Variants in NUDT19 observed in about 807,000 individuals in gnomAD.
NUDT19 encodes the protein nudix hydrolase 19.
NUDT19 carries 31 observed loss-of-function variants against 22.2 expected under a neutral mutation model. That is an observed-to-expected ratio of 1.40 (90% CI 1.05 to 1.89). The LOEUF is 1.89. Among genes scored for constraint, NUDT19 ranks in the 40% most tolerant of loss-of-function variants. The probability of loss-of-function intolerance (pLI) is 0.00; values close to 1 mark genes in which losing one functional copy is unlikely to be tolerated. For missense variants in NUDT19, 752 were observed against 514.2 expected (o/e 1.46, Z -4.47); for synonymous variants, 325 against 230.8 (o/e 1.41, Z -3.70).
At position 32,703,049 on chromosome 19, in the gene NUDT19, TAG is replaced by T. The variant is rs376073813; in HGVS notation, c.715-6133_715-6132del. On this transcript the variant is annotated intron_variant, in intron 1 of 2. Transcript: ENST00000397061. ...AGTGTTTCACTCTTGTTGCCCAGGT[TAG>T]AGTGCAGTGGCATGATCTTGGCTCA... 4.0e-4 allele frequency among the ~76,000 whole-genome samples: 61 copies of T among 152,336 alleles called. 1 individual carries two copies. The South Asian group carries it at 0.012, about 31-fold the overall frequency.
rs548408564 is a variant in NUDT19, at chr19:32,702,637, C to G, written c.715-6548C>G. On this transcript the variant is annotated intron_variant, in intron 1 of 2. Coordinates refer to ENST00000397061, the MANE Select transcript of NUDT19 (RefSeq NM_001105570.2). ...AAGAGAAAAAAAAGTGTGTTTCTTG[C>G]AGGCAGCATATAGTCTTGCTTTTTA... is the stretch of plus-strand genomic sequence containing the variant. Among the ~76,000 whole-genome samples, 3 of 152,242 alleles carry G rather than the reference C, an allele frequency of 2.0e-5. No individual in the cohort carries two copies. The East Asian group carries it at 5.8e-4, about 29-fold the overall frequency.
In NUDT19 at chr19:32,692,525, C is replaced by T. The variant is rs766486646; in HGVS notation, c.565C>T (p.Pro189Ser). 2 of 1,583,538 alleles carry T rather than the reference C, an allele frequency of 1.3e-6. No individual in the cohort carries two copies. The change falls in exon 1 of 3, where the codon CCC becomes TCC. Residue 189 changes from proline (P) to serine (S), a missense_variant. Transcript: ENST00000397061. The stretch of plus-strand genomic sequence containing the variant: ...GCTGTGCGCCCACCTCGACTGCACA[C>T]CCGACATCTGGGCGCTGCACAACTG... The part of the protein sequence containing the change: ...LRLCAHLDCT[P>S]DIWALHNWSA...
intron 1 of NUDT19, among the ~76,000 whole-genome samples, chr19:32,693,637 G>A (rs117895059): frequency 0.024 from 3,702 of 152,152 alleles, 93 homozygotes; most frequent in Non-Finnish European, 0.036. Context: ...TACAGAGTGC[G>A]GATTGGTGCG....
intron 2 of NUDT19, among the ~76,000 whole-genome samples, chr19:32,711,040 G>A (rs1178579903): frequency 2.0e-5 from 3 of 152,136 alleles, no homozygotes; most frequent in African/African-American, 7.2e-5. Flanking sequence ...CTTAATATCA[G>A]TATTGAATAG....
intron 2 of NUDT19, among the ~76,000 whole-genome samples, chr19:32,711,542 A>G (rs1030660164): frequency 1.3e-5 from 2 of 152,208 alleles, no homozygotes; most frequent in African/African-American, 2.4e-5. Context: ...TCTCAGTTCC[A>G]AACATATTAA....
intron 2 of NUDT19, among the ~76,000 whole-genome samples, chr19:32,710,102 C>T (rs1403842297): frequency 1.3e-5 from 2 of 151,894 alleles, no homozygotes; most frequent in African/African-American, 4.8e-5. Context: ...ACCTTTGCCT[C>T]CTGGGTTCAA....
chr19:32,692,588 C>A lies in NUDT19; in HGVS notation c.628C>A (p.Arg210Ser). 1 of 1,585,756 alleles carries A rather than the reference C, an allele frequency of 6.3e-7. No homozygotes were observed. The highest frequency in any genetic ancestry group is 8.5e-7 in the Non-Finnish European group (1 of 1,169,698). The change falls in exon 1 of 3, where the codon CGC (arginine) becomes AGC (serine). Residue 210 changes from arginine to serine, a missense_variant. By Grantham distance (110) the Arg-to-Ser change is moderately radical. Coordinates refer to ENST00000397061, the MANE Select transcript of NUDT19 (RefSeq NM_001105570.2). ...WLTPFLRGTT[R>S]RFDTAFFLCC... ...CACCCCTTTCTTGCGGGGCACCACT[C>A]GCCGCTTTGACACGGCCTTCTTCCT... is the stretch of plus-strand genomic sequence containing the variant.
rs371717452 is a variant in NUDT19, at chr19:32,711,850, C to T, written c.1021C>T (p.Arg341Trp). ...CATGAAGGAAGGCAAGCAGTTTCAC[C>T]GGATAGTGACATACCATCGCCACCT... ...EIMKEGKQFH[R>W]IVTYHRHLYD... is the part of the protein sequence containing the mutation. The change falls in exon 3 of 3, where the codon CGG (arginine) becomes TGG (tryptophan). Residue 341 changes from arginine (R) to tryptophan (W), a missense_variant. By Grantham distance (101) the Arg-to-Trp change is moderately radical. Transcript: ENST00000397061. 112 of 1,613,300 alleles carry T rather than the reference C, an allele frequency of 6.9e-5. No homozygotes were observed. Among genetic ancestry groups the T allele is most frequent in the South Asian group, 8.8e-5 (8 of 91,050 alleles).
At chr19:32,697,721 T>G in intron 1 of NUDT19, among the ~76,000 whole-genome samples, 1 of 152,216 alleles carries the variant, frequency 6.6e-6, no homozygotes, top group Non-Finnish European at 1.5e-5. Flanking sequence ...TAAAGCCACA[T>G]TCTTTTCATT....
intron 1 of NUDT19, among the ~76,000 whole-genome samples, chr19:32,696,312 G>C (rs1160599624): frequency 6.6e-6 from 1 of 152,114 alleles, no homozygotes; most frequent in East Asian, 1.9e-4. Flanking sequence ...TATTTTGATA[G>C]CCTCTGACAC....
Position 32,692,143 on chromosome 19 carries a change from C to T in NUDT19, c.183C>T (p.Val61=). ...AAGGCTTCATGCCGGGCGCGCACGT[C>T]TTCTCCGGCGGAGTGCTGGATGCGG... ...PHQGFMPGAH[V]FSGGVLDAAD... is the part of the protein sequence containing the mutation. Residue 61 remains valine, a synonymous_variant, in exon 1 of 3, where the codon GTC becomes GTT. Transcript: ENST00000397061. 2.0e-6 allele frequency: 3 copies of T among 1,495,706 alleles called. No individual in the cohort carries two copies. Among genetic ancestry groups the T allele is most frequent in the Non-Finnish European group, 2.7e-6 (3 of 1,132,032 alleles). The allele number at this position is 1,495,706 out of a possible 1,614,324, so 92.7% of individuals were successfully genotyped here.
At position 32,692,284 on chromosome 19, in the gene NUDT19, T is replaced by G. The variant is rs765753461; in HGVS notation, c.324T>G (p.Asp108Glu). The part of the protein sequence containing the change: ...RTAFPSLPDT[D>E]DHKTDNTGTL... ...CTTTCCCGTCGCTGCCCGACACCGA[T>G]GACCACAAGACCGACAACACTGGGA... is the stretch of plus-strand genomic sequence containing the variant. Residue 108 changes from aspartate (D) to glutamate (E), a missense_variant, in exon 1 of 3, where the codon GAT (aspartate) becomes GAG (glutamate). Transcript: ENST00000397061. 5.7e-6 allele frequency: 9 copies of G among 1,592,898 alleles called. No individual in the cohort carries two copies. In the Admixed American group the frequency reaches 1.5e-4, roughly 27 times the overall value.
rs1968471863 is a variant in NUDT19 at position 32,713,707 on chromosome 19, AATTG to A, written c.*1754_*1757del. On this transcript the variant is annotated 3_prime_UTR_variant, in exon 3 of 3. Coordinates refer to ENST00000397061, the MANE Select transcript of NUDT19 (RefSeq NM_001105570.2). ...TCTTTGACTGTATCATGCATTGTACAATTGATTTCATATTTTATGAAATGCCTTA... is the reference window on the plus strand; with the variant it reads ...TCTTTGACTGTATCATGCATTGTACAATTTCATATTTTATGAAATGCCTTA... 6.6e-6 allele frequency: 1 copy of A among 152,204 alleles called. No homozygotes were observed. The highest frequency in any genetic ancestry group is 2.1e-4 in the South Asian group (1 of 4,834). 9.4% of individuals were successfully genotyped at this position (152,204 alleles called of 1,614,324 possible). A position where few individuals can be genotyped will look rare whatever the true frequency, so the allele number is the denominator to read the frequency against.
At chr19:32,694,233 C>T (rs1011314791) in intron 1 of NUDT19, among the ~76,000 whole-genome samples, 2 of 152,214 alleles carry the variant, frequency 1.3e-5, no homozygotes, top group South Asian at 2.1e-4. Flanking sequence ...GTTTGAAAGG[C>T]GTTGTCTGAT....
At position 32,711,801 on chromosome 19, in the gene NUDT19, T is replaced by C; in HGVS notation, c.972T>C (p.Ser324=). Residue 324 remains serine, a synonymous_variant, in exon 3 of 3, where the codon TCT becomes TCC. Transcript: ENST00000397061. The part of the protein sequence containing the change: ...EDSDFLENLM[S]TEKKTEEIMK... ...CAGACTTTTTGGAAAATCTTATGTC[T>C]ACTGAAAAAAAGACTGAGGAAATCA... 2 of 1,613,792 alleles carry C rather than the reference T, an allele frequency of 1.2e-6. No homozygotes were observed. Among genetic ancestry groups the C allele is most frequent in the Non-Finnish European group, 1.7e-6 (2 of 1,179,694 alleles).
intron 1 of NUDT19, among the ~76,000 whole-genome samples, chr19:32,704,865 G>A (rs1205362361): frequency 6.6e-6 from 1 of 152,018 alleles, no homozygotes; most frequent in Non-Finnish European, 1.5e-5. Context: ...CCAGCACTTT[G>A]GGAGGCCAAG....
intron 1 of NUDT19, among the ~76,000 whole-genome samples, chr19:32,700,111 G>A (rs529674097): frequency 1.3e-5 from 2 of 152,392 alleles, no homozygotes; most frequent in Admixed American, 6.5e-5. Context: ...AAAGAACAGA[G>A]CTTCCACAGC....
chr19:32,701,154 G>A (rs925870502), intron 1 of NUDT19, among the ~76,000 whole-genome samples: 1 of 148,592 alleles, frequency 6.7e-6, no homozygotes, highest in Non-Finnish European at 1.5e-5. Flanking sequence ...TTGGTATTTT[G>A]GTAAAAATGT....
chr19:32,713,689 C>T lies in NUDT19; in HGVS notation c.*1732C>T, dbSNP rs1363625485. The T allele has an allele frequency of 6.6e-6, 1 of 152,142 alleles. No individual in the cohort carries two copies. Among genetic ancestry groups the T allele is most frequent in the South Asian group, 2.1e-4 (1 of 4,832 alleles). The allele number at this position is 152,142 out of a possible 1,614,324, so 9.4% of individuals were successfully genotyped here. A position where few individuals can be genotyped will look rare whatever the true frequency, so the allele number is the denominator to read the frequency against. On this transcript the variant is annotated 3_prime_UTR_variant, in exon 3 of 3. Transcript: ENST00000397061. ...ACCAATTCCATGTCCAGATCTTTGA[C>T]TGTATCATGCATTGTACAATTGATT...
Sources: allele counts gnomAD v4.1 joint callset (sites outside exome capture counted in the v4.1 genomes callset), GRCh38; gene constraint gnomAD v4.1.1; transcripts MANE v1.5; gene names NCBI Gene and HGNC (gene_info 2026-07-23, HGNC 2026-07-21).